The following LRRC43 variants were observed in gnomAD, a reference collection of about 807,000 sequenced individuals.
LRRC43 encodes the protein leucine-rich repeat-containing protein 43.
Under a neutral mutation model 64.3 loss-of-function variants are expected in LRRC43, and 62 were observed. The ratio of observed to expected loss-of-function variants is 0.96; its 90% CI spans 0.79 to 1.19. LRRC43 has a LOEUF of 1.19. Among genes scored for constraint, LRRC43 ranks in the 50% most tolerant of loss-of-function variants. The pLI, the probability that LRRC43 is intolerant of heterozygous loss-of-function variation, is 0.00. For missense variants in LRRC43, 868 were observed against 845.0 expected, an observed-to-expected ratio of 1.03 and a Z score of -0.34; for synonymous variants, 422 against 382.3, an observed-to-expected ratio of 1.10 and a Z score of -1.21.
At chr12:122,194,736 G>T (rs1442980165) in intron 7 of LRRC43, among the ~76,000 whole-genome samples, 2 of 152,034 alleles carry the variant, frequency 1.3e-5, no homozygotes, top group African/African-American at 2.4e-5. Flanking sequence ...CTCCCAAAGT[G>T]CTGCAATTAC....
At chr12:122,201,920 T>C (rs928358115) in intron 11 of LRRC43, 8 of 152,694 alleles carry the variant, frequency 5.2e-5, no homozygotes, top group African/African-American at 1.4e-4. Flanking sequence ...GGTGAGGAGT[T>C]CGAGACCAGC....
chr12:122,195,043 C>T (rs1446653119), intron 7 of LRRC43, among the ~76,000 whole-genome samples: 2 of 152,186 alleles, frequency 1.3e-5, no homozygotes, highest in African/African-American at 4.8e-5. Context: ...TCCTTTCAGC[C>T]TGAAGAACTT....
chr12:122,191,373 C>T lies in LRRC43; in HGVS notation c.902-7C>T, dbSNP rs1408671744. 2 of 1,604,370 alleles carry T rather than the reference C, an allele frequency of 1.2e-6. No individual in the cohort carries two copies. Among genetic ancestry groups the T allele is most frequent in the African/African-American group, 2.7e-5 (2 of 74,572 alleles). ...GGCCCCCCTGTCCTGCCCATTCCTC[C>T]CTGCAGATCTCTTGGCACAGGAGGC... On this transcript the variant is annotated splice_region_variant and splice_polypyrimidine_tract_variant and intron_variant, in intron 5 of 11. Coordinates refer to ENST00000339777, the MANE Select transcript of LRRC43 (RefSeq NM_001098519.2).
At chr12:122,179,548 A>G (rs1953564640), upstream of LRRC43, among the ~76,000 whole-genome samples, 1 of 152,190 alleles carries the variant, frequency 6.6e-6, no homozygotes. Flanking sequence ...ATTGTGGCAG[A>G]TAAAACTGTA....
chr12:122,171,691 C>T (rs769185944), intron 1 of LRRC43, among the ~76,000 whole-genome samples: 9 of 151,976 alleles, frequency 5.9e-5, no homozygotes, highest in Non-Finnish European at 8.8e-5. Flanking sequence ...CATTTCCAGA[C>T]GAAACTAGCC....
At chr12:122,169,879 G>T (rs1953470460) in intron 1 of LRRC43, among the ~76,000 whole-genome samples, 1 of 151,884 alleles carries the variant, frequency 6.6e-6, no homozygotes, top group African/African-American at 2.4e-5. Flanking sequence ...CGCCATCTTG[G>T]CTCACTGCAA....
At chr12:122,201,015 G>A in intron 10 of LRRC43, 81 bp downstream of exon 10, 1 of 1,482,790 alleles carries the variant, frequency 6.7e-7, no homozygotes, top group South Asian at 1.3e-5. Flanking sequence ...AAGGGCTGTG[G>A]GCCCAGGTCA....
intron 7 of LRRC43, among the ~76,000 whole-genome samples, chr12:122,193,224 CG>C (rs1233149793): frequency 9.9e-5 from 15 of 151,228 alleles, no homozygotes; most frequent in South Asian, 2.1e-4. Flanking sequence ...ACTAAAAATA[CG>C]AAAAAATTAG....
intron 1 of LRRC43, among the ~76,000 whole-genome samples, chr12:122,177,476 AGT>A (rs67103998): frequency 0.063 from 9,065 of 143,472 alleles, 329 homozygotes; most frequent in African/African-American, 0.11. Flanking sequence ...TGAGAGAGAA[AGT>A]GTGTGTGTGT....
chr12:122,192,526 C>T (rs1953730044), intron 6 of LRRC43, among the ~76,000 whole-genome samples: 1 of 152,198 alleles, frequency 6.6e-6, no homozygotes, highest in African/African-American at 2.4e-5. Flanking sequence ...CCTGTCTCCT[C>T]CTCCCACATA....
intron 1 of LRRC43, among the ~76,000 whole-genome samples, chr12:122,169,913 A>ATTCTC (rs1212184688): frequency 2.2e-4 from 33 of 151,926 alleles, no homozygotes; most frequent in African/African-American, 8.0e-4. Context: ...GGTTCAAGCA[A>ATTCTC]GTGGTACCTC....
In LRRC43 at chr12:122,200,959, C is replaced by A; in HGVS notation, c.1809+25C>A. On this transcript the variant is annotated intron_variant, in intron 10 of 11. Coordinates refer to ENST00000339777, the MANE Select transcript of LRRC43 (RefSeq NM_001098519.2). This position sits in a 1 kb window ranked among gnomAD's most constrained non-coding sequence, Gnocchi z 4.6. ...GGTACAGCCGGGCCCTAGCCACATC[C>A]TCCACCTCTGCCTTCGCCCTCCCCA... The A allele has an allele frequency of 6.4e-7, 1 of 1,560,984 alleles. No homozygotes were observed. The highest frequency in any genetic ancestry group is 1.4e-5 in the African/African-American group (1 of 73,496).
chr12:122,189,705 C>T (rs957182450), intron 4 of LRRC43, among the ~76,000 whole-genome samples: 1 of 152,196 alleles, frequency 6.6e-6, no homozygotes, highest in African/African-American at 2.4e-5. Context: ...TCCCCAGCAT[C>T]AACCCCACTC....
intron 10 of LRRC43, 150 bp downstream of exon 10, chr12:122,201,084 G>T (rs901181418): frequency 3.5e-6 from 4 of 1,128,570 alleles, no homozygotes; most frequent in African/African-American, 1.6e-5. Flanking sequence ...CTGGGCTGCT[G>T]GTGCTGCCGC....
At chr12:122,193,982 G>C (rs1435594928) in intron 7 of LRRC43, among the ~76,000 whole-genome samples, 1 of 152,122 alleles carries the variant, frequency 6.6e-6, no homozygotes, top group Non-Finnish European at 1.5e-5. Context: ...CACACATAAA[G>C]TGCTGTAAGG....
chr12:122,190,824 G>A (rs1344572487), intron 5 of LRRC43, among the ~76,000 whole-genome samples: 2 of 150,342 alleles, frequency 1.3e-5, no homozygotes, highest in Non-Finnish European at 3.0e-5. Flanking sequence ...GATGACACCA[G>A]TGTACTCTAG....
At chr12:122,173,373 G>A (rs1004162345) in intron 1 of LRRC43, among the ~76,000 whole-genome samples, 19 of 152,184 alleles carry the variant, frequency 1.2e-4, no homozygotes, top group African/African-American at 4.6e-4. Flanking sequence ...CCAAGTTTGG[G>A]CATTTGTTTG....
chr12:122,186,357 C>A, intron 3 of LRRC43, 57 bp downstream of exon 3: 1 of 1,104,004 alleles, frequency 9.1e-7, no homozygotes, highest in Non-Finnish European at 1.4e-6. Flanking sequence ...AGAGGCCTTG[C>A]CTTACCCTGC....
At position 122,184,206 on chromosome 12, in the gene LRRC43, T is replaced by A. The variant is rs2136029221; in HGVS notation, c.151-313T>A. Among the ~76,000 whole-genome samples, 1 of 151,778 alleles carries A rather than the reference T, an allele frequency of 6.6e-6. No homozygotes were observed. Among genetic ancestry groups the A allele is most frequent in the East Asian group, 2.0e-4 (1 of 5,128 alleles). The stretch of plus-strand genomic sequence containing the variant: ...GCCTCCCGGGTTCAAACGATTCTCC[T>A]GCCTTAGCCTCCCGAGTAGCTGAGA... On this transcript the variant is annotated intron_variant, in intron 1 of 11. Transcript: ENST00000339777. This position sits in a 1 kb window ranked among gnomAD's most constrained non-coding sequence, Gnocchi z 4.0.
Sources: gnomAD v4.1 joint callset for allele counts (sites outside exome capture counted in the v4.1 genomes callset) on GRCh38, gnomAD v4.1.1 for gene constraint, Gnocchi (gnomAD v3.1) non-coding constraint, MANE v1.5 for transcripts, NCBI Gene and HGNC (gene_info 2026-07-23, HGNC 2026-07-21) for gene names.